LPP: variants seen among roughly 807,000 people sequenced by gnomAD.
LPP encodes the protein lipoma-preferred partner.
Under a neutral mutation model 60.4 loss-of-function variants are expected in LPP, and 38 were observed. That is an observed-to-expected ratio of 0.63 (90% CI 0.49 to 0.83). The LOEUF is 0.83. Ranked by LOEUF, LPP falls within the 40% of genes least tolerant of loss-of-function variation. The probability of loss-of-function intolerance (pLI) is 0.00; values close to 1 mark genes in which losing one functional copy is unlikely to be tolerated. For missense variants in LPP, 902 were observed against 783.6 expected, an observed-to-expected ratio of 1.15 and a Z score of -1.80; for synonymous variants, 328 against 290.8, an observed-to-expected ratio of 1.13 and a Z score of -1.30.
intron 4 of LPP, among the ~76,000 whole-genome samples, chr3:188,415,180 A>G (rs1156379835): frequency 6.6e-6 from 1 of 152,166 alleles, no homozygotes; most frequent in Non-Finnish European, 1.5e-5. Flanking sequence ...TCCGTATTTT[A>G]CATCTGAAGA....
chr3:188,194,429 G>C (rs1335013148), intron 1 of LPP, among the ~76,000 whole-genome samples: 1 of 152,130 alleles, frequency 6.6e-6, no homozygotes, highest in Non-Finnish European at 1.5e-5. Flanking sequence ...TCTCTCTAGA[G>C]AGGCAACTGA....
At chr3:188,384,931 A>G (rs765963508) in intron 3 of LPP, among the ~76,000 whole-genome samples, 7 of 151,302 alleles carry the variant, frequency 4.6e-5, no homozygotes, top group Middle Eastern at 3.2e-3. Context: ...TGTTTACCCT[A>G]TGGGTCAAAT....
intron 9 of LPP, among the ~76,000 whole-genome samples, chr3:188,854,205 C>A (rs1010396422): frequency 2.0e-5 from 3 of 152,206 alleles, no homozygotes; most frequent in Non-Finnish European, 2.9e-5. Context: ...GAATGGAAAA[C>A]CCTATACTCC....
intron 6 of LPP, among the ~76,000 whole-genome samples, chr3:188,550,883 AT>A (rs1386605405): frequency 1.3e-5 from 2 of 152,166 alleles, no homozygotes; most frequent in Admixed American, 6.5e-5. Context: ...GTTATACTAC[AT>A]TTTGAAACGT....
chr3:188,745,801 A>G (rs1725969995), intron 8 of LPP, among the ~76,000 whole-genome samples: 2 of 152,282 alleles, frequency 1.3e-5, no homozygotes, highest in South Asian at 4.1e-4. Context: ...TCAATAGAGC[A>G]GGATCCTCAA....
chr3:188,205,750 G>A (rs975409086), intron 1 of LPP, among the ~76,000 whole-genome samples: 1 of 152,190 alleles, frequency 6.6e-6, no homozygotes, highest in Admixed American at 6.5e-5. Context: ...AAGGTACTAT[G>A]AAGAGCTCAG....
intron 9 of LPP, among the ~76,000 whole-genome samples, chr3:188,808,497 A>G (rs1471685071): frequency 1.3e-5 from 2 of 151,998 alleles, no homozygotes; most frequent in African/African-American, 4.8e-5. Flanking sequence ...CTGGTGCCCT[A>G]AGAGCCACAA....
At chr3:188,332,657 A>G (rs1760434303) in intron 2 of LPP, among the ~76,000 whole-genome samples, 3 of 152,216 alleles carry the variant, frequency 2.0e-5, no homozygotes, top group South Asian at 2.1e-4. Context: ...TAAAAGTGAT[A>G]AAACAATATG....
chr3:188,378,413 C>T (rs553942627), intron 3 of LPP, among the ~76,000 whole-genome samples: 2 of 152,326 alleles, frequency 1.3e-5, no homozygotes, highest in African/African-American at 4.8e-5. Context: ...TGGGCAATGG[C>T]AGGCGCCCCT....
At chr3:188,586,882 C>G (rs1442911633) in intron 6 of LPP, among the ~76,000 whole-genome samples, 1 of 152,048 alleles carries the variant, frequency 6.6e-6, no homozygotes, top group Non-Finnish European at 1.5e-5. Flanking sequence ...CACGCACCAT[C>G]AGGCCCAGCT....
At chr3:188,232,641 G>T (rs1720500998) in intron 2 of LPP, among the ~76,000 whole-genome samples, 1 of 151,224 alleles carries the variant, frequency 6.6e-6, no homozygotes, top group South Asian at 2.1e-4. Context: ...GGTGTGAGCT[G>T]CCATGCCTGG....
chr3:188,277,067 C>A (rs913157535), intron 2 of LPP, among the ~76,000 whole-genome samples: 9 of 151,806 alleles, frequency 5.9e-5, no homozygotes, highest in African/African-American at 2.2e-4. Context: ...CCATGCTCAG[C>A]TAATTTTTGC....
At chr3:188,173,085 T>C (rs1722033815) in intron 1 of LPP, among the ~76,000 whole-genome samples, 2 of 152,160 alleles carry the variant, frequency 1.3e-5, no homozygotes, top group South Asian at 4.1e-4. Context: ...CCCAGGCTGG[T>C]TTCAAACCCT....
intron 2 of LPP, among the ~76,000 whole-genome samples, chr3:188,258,730 A>G (rs1172496626): frequency 6.6e-6 from 1 of 152,220 alleles, no homozygotes; most frequent in Non-Finnish European, 1.5e-5. Context: ...TCTAGAGAAG[A>G]CGATCACCGC....
intron 3 of LPP, among the ~76,000 whole-genome samples, chr3:188,402,871 A>T (rs1162647034): frequency 6.6e-6 from 1 of 152,230 alleles, no homozygotes; most frequent in African/African-American, 2.4e-5. Flanking sequence ...GAAGTTAGGG[A>T]AATGTTCACA....
At chr3:188,753,770 T>A (rs991948399) in intron 8 of LPP, among the ~76,000 whole-genome samples, 1 of 151,936 alleles carries the variant, frequency 6.6e-6, no homozygotes. Context: ...AGTGTTTGAG[T>A]GTGGGTGTGT....
intron 3 of LPP, among the ~76,000 whole-genome samples, chr3:188,370,416 T>A (rs963826121): frequency 2.6e-5 from 4 of 152,178 alleles, no homozygotes; most frequent in Non-Finnish European, 5.9e-5. Context: ...TCTCTAGCAA[T>A]CCCAGGTGTG....
chr3:188,405,005 G>T (rs987922648), intron 3 of LPP, among the ~76,000 whole-genome samples: 1 of 152,198 alleles, frequency 6.6e-6, no homozygotes, highest in African/African-American at 2.4e-5. Flanking sequence ...AATCTGATCA[G>T]AGCAGCATCT....
chr3:188,677,929 C>G (rs1050505489), intron 7 of LPP, among the ~76,000 whole-genome samples: 1 of 151,922 alleles, frequency 6.6e-6, no homozygotes, highest in Non-Finnish European at 1.5e-5. Context: ...TGACAGAGGA[C>G]GCTGATACTT....
Sources: allele counts gnomAD v4.1 joint callset (sites outside exome capture counted in the v4.1 genomes callset), GRCh38; gene constraint gnomAD v4.1.1; transcripts MANE v1.5; gene names NCBI Gene and HGNC (gene_info 2026-07-23, HGNC 2026-07-21).